ERBIN: variants seen among roughly 807,000 people sequenced by gnomAD.
ERBIN encodes the protein densin-180-like protein.
In ERBIN, 60 loss-of-function variants were observed where a neutral mutation model predicts 158.4. The ratio of observed to expected loss-of-function variants is 0.38; its 90% CI spans 0.31 to 0.47. ERBIN has a LOEUF of 0.47. Among genes scored for constraint, ERBIN ranks in the 20% least tolerant of loss-of-function variants. ERBIN has a pLI of 0.99. For synonymous variants in ERBIN, 594 were observed against 557.2 expected, an observed-to-expected ratio of 1.07 and a Z score of -0.93; for missense variants, 1,610 against 1,648.0, an observed-to-expected ratio of 0.98 and a Z score of 0.40.
chr5:65,976,760 C>T (rs1033252012), intron 1 of ERBIN, among the ~76,000 whole-genome samples: 3 of 151,676 alleles, frequency 2.0e-5, no homozygotes, highest in East Asian at 3.9e-4. Context: ...TAACAAAGCA[C>T]ATCTTGCACC....
At chr5:65,994,161 G>A (rs921027429) in intron 3 of ERBIN, among the ~76,000 whole-genome samples, 7 of 152,134 alleles carry the variant, frequency 4.6e-5, no homozygotes, top group African/African-American at 1.7e-4. Flanking sequence ...CTAGGTTGTG[G>A]TTGGATAATT....
At chr5:66,013,785 G>A in intron 6 of ERBIN, 147 bp downstream of exon 6, 2 of 546,230 alleles carry the variant, frequency 3.7e-6, no homozygotes, top group South Asian at 2.9e-5. Flanking sequence ...TACTTTGTTT[G>A]GTGGCTTTGA....
Position 66,018,572 on chromosome 5 carries a change from T to TTATATAATATATAA in ERBIN, c.534-2737_534-2736insATATATAATATATA, listed in dbSNP as rs1554058888. On this transcript the variant is annotated intron_variant, in intron 7 of 25. Coordinates refer to ENST00000284037, the MANE Select transcript of ERBIN (RefSeq NM_001253697.2). The stretch of plus-strand genomic sequence containing the variant: ...TATATATTATATAATATATATTATA[T>TTATATAATATATAA]TATATAATATATATTATATAATATA... Among the ~76,000 whole-genome samples, 3 of 29,868 alleles carry TTATATAATATATAA rather than the reference T, an allele frequency of 1.0e-4. 1 individual carries two copies. Among genetic ancestry groups the TTATATAATATATAA allele is most frequent in the African/African-American group, 7.7e-4 (3 of 3,884 alleles). 19.6% of individuals were successfully genotyped at this position (29,868 alleles called of 152,430 possible).
intron 21 of ERBIN, 168 bp downstream of exon 21, chr5:66,055,119 A>G: frequency 2.2e-6 from 3 of 1,390,620 alleles, no homozygotes; most frequent in Non-Finnish European, 2.8e-6. Flanking sequence ...GACAATTGGG[A>G]TGATAATGTG....
chr5:65,989,644 C>G (rs1286963649), intron 2 of ERBIN, among the ~76,000 whole-genome samples: 1 of 152,152 alleles, frequency 6.6e-6, no homozygotes, highest in African/African-American at 2.4e-5. Context: ...TATAAATTGT[C>G]TTATATCTCA....
chr5:65,980,343 G>A (rs1328809280), intron 1 of ERBIN, among the ~76,000 whole-genome samples: 3 of 152,076 alleles, frequency 2.0e-5, no homozygotes, highest in East Asian at 1.9e-4. Flanking sequence ...CAGGAGAATC[G>A]GGTGAACCTG....
chr5:66,060,639 C>G (rs1410522271), intron 21 of ERBIN, among the ~76,000 whole-genome samples: 1 of 152,104 alleles, frequency 6.6e-6, no homozygotes, highest in African/African-American at 2.4e-5. Context: ...GTTAGGGTGT[C>G]AATTTTAGAT....
chr5:65,969,552 C>A (rs1314992487), intron 1 of ERBIN, among the ~76,000 whole-genome samples: 1 of 152,144 alleles, frequency 6.6e-6, no homozygotes, highest in Non-Finnish European at 1.5e-5. Context: ...AAATGTAAAG[C>A]AGTATTATTT....
intron 14 of ERBIN, among the ~76,000 whole-genome samples, chr5:66,032,069 A>G (rs1185405050): frequency 1.3e-5 from 2 of 152,144 alleles, no homozygotes; most frequent in Non-Finnish European, 1.5e-5. Flanking sequence ...TATCATGAGC[A>G]TAAGCATTTA....
At position 66,024,424 on chromosome 5, in the gene ERBIN, C is replaced by T. The variant is rs1756019261; in HGVS notation, c.791C>T (p.Ser264Leu). 1 of 1,599,404 alleles carries T rather than the reference C, an allele frequency of 6.3e-7. No homozygotes were observed. The highest frequency in any genetic ancestry group is 8.5e-7 in the Non-Finnish European group (1 of 1,176,218). ...NLQDLLLSSN[S>L]LQQLPETIGS... ...CAAGACCTCCTATTATCAAGCAATT[C>T]ACTTCAGCAGCTTCCTGAGACTATT... The change falls in exon 10 of 26, where the codon TCA becomes TTA. Residue 264 changes from serine (S) to leucine (L), a missense_variant. By Grantham distance (145) the Ser-to-Leu change is moderately radical (BLOSUM62 -2). Around this residue, in one of 2 missense-constraint regions of ERBIN, gnomAD observed 596 missense variants for 711.9 expected, o/e 0.84. Transcript: ENST00000284037.
intron 20 of ERBIN, 119 bp downstream of exon 20, chr5:66,051,085 GTTTTATTTCCCCAT>G: frequency 1.7e-6 from 1 of 586,748 alleles, no homozygotes; most frequent in Non-Finnish European, 2.8e-6. Context: ...CCAGTAATAT[GTTTTATTTCCCCAT>G]TTTTATTGCT....
At chr5:66,047,110 CTT>C (rs1032921130) in intron 18 of ERBIN, among the ~76,000 whole-genome samples, 3 of 152,180 alleles carry the variant, frequency 2.0e-5, no homozygotes, top group South Asian at 4.1e-4. Context: ...ATTCCATACT[CTT>C]TACCTGTTAC....
At chr5:66,044,333 A>G in intron 17 of ERBIN, 23 bp downstream of exon 17, 4 of 1,563,904 alleles carry the variant, frequency 2.6e-6, no homozygotes, top group Non-Finnish European at 3.4e-6. Context: ...AAAAGGATTA[A>G]CCAAAGCCTA....
chr5:66,010,047 C>A (rs1754040939), intron 4 of ERBIN, among the ~76,000 whole-genome samples: 1 of 152,098 alleles, frequency 6.6e-6, no homozygotes, highest in Admixed American at 6.5e-5. Context: ...GCATTCTTAC[C>A]AGCAATGTGT....
rs189188968 is a variant in ERBIN, at chr5:65,976,263, C to T, written c.-57-12372C>T. Among the ~76,000 whole-genome samples the T allele has an allele frequency of 4.7e-3, 721 of 152,244 alleles. 7 individuals carry two copies. Among genetic ancestry groups the T allele is most frequent in the African/African-American group, 0.014 (600 of 41,536 alleles). ...CTGAGGTGCTTGGATCACTTGAGGC[C>T]AGGAGTTTGAGACCATCTGGCGAAC... On this transcript the variant is annotated intron_variant, in intron 1 of 25. Transcript: ENST00000284037.
intron 1 of ERBIN, among the ~76,000 whole-genome samples, chr5:65,929,352 C>T (rs1743072557): frequency 6.6e-6 from 1 of 152,030 alleles, no homozygotes; most frequent in African/African-American, 2.4e-5. Context: ...ACGGATAATA[C>T]GATTTAGACT....
intron 1 of ERBIN, among the ~76,000 whole-genome samples, chr5:65,935,071 C>G (rs138490349): frequency 8.5e-4 from 130 of 152,292 alleles, no homozygotes; most frequent in Middle Eastern, 3.4e-3. Flanking sequence ...TTGTTACTCT[C>G]AGGCCCTCTT....
intron 1 of ERBIN, among the ~76,000 whole-genome samples, chr5:65,961,990 T>A (rs1015866590): frequency 6.6e-6 from 1 of 152,210 alleles, no homozygotes; most frequent in African/African-American, 2.4e-5. Context: ...CAAGTAAGGT[T>A]TCTTATAAGT....
intron 1 of ERBIN, among the ~76,000 whole-genome samples, chr5:65,961,995 A>T (rs1747980563): frequency 6.6e-6 from 1 of 152,202 alleles, no homozygotes; most frequent in African/African-American, 2.4e-5. Flanking sequence ...AAGGTTTCTT[A>T]TAAGTTGTAT....
Sources: allele counts gnomAD v4.1 joint callset (sites outside exome capture counted in the v4.1 genomes callset), GRCh38; gene constraint gnomAD v4.1.1; regional missense constraint gnomAD v4.1.1; transcripts MANE v1.5; gene names NCBI Gene and HGNC (gene_info 2026-07-23, HGNC 2026-07-21).